Variants in TJP1 observed in about 807,000 individuals in gnomAD.
TJP1 encodes the protein tight junction protein 1.
Under a neutral mutation model 194.2 loss-of-function variants are expected in TJP1, and 43 were observed. The ratio of observed to expected loss-of-function variants is 0.22; its 90% CI spans 0.17 to 0.29. The LOEUF (loss-of-function observed/expected upper bound fraction) is 0.29. Among genes scored for constraint, TJP1 ranks in the 10% least tolerant of loss-of-function variants. The pLI, the probability that TJP1 is intolerant of heterozygous loss-of-function variation, is 1.00. For synonymous variants in TJP1, 801 were observed against 779.0 expected, an observed-to-expected ratio of 1.03 and a Z score of -0.47; for missense variants, 1,971 against 2,185.7, an observed-to-expected ratio of 0.90 and a Z score of 1.96.
intron 25 of TJP1, among the ~76,000 whole-genome samples, chr15:29,706,750 T>A (rs536868925): frequency 6.6e-6 from 1 of 152,158 alleles, no homozygotes; most frequent in East Asian, 1.9e-4. Flanking sequence ...AACCTCCACC[T>A]CCCAGGTTCA....
At chr15:29,743,212 A>G (rs1442962314) in intron 8 of TJP1, among the ~76,000 whole-genome samples, 1 of 152,210 alleles carries the variant, frequency 6.6e-6, no homozygotes, top group Admixed American at 6.5e-5. Flanking sequence ...GGAGTCTTCT[A>G]AAGTAAGACT....
At chr15:29,954,385 TTA>T (rs2055863455) in intron 2 of TJP1, among the ~76,000 whole-genome samples, 2 of 151,846 alleles carry the variant, frequency 1.3e-5, no homozygotes, top group South Asian at 4.1e-4. Context: ...AATTAATTAG[TTA>T]TATGATTATG....
At chr15:29,791,829 A>G (rs1003640266) in intron 2 of TJP1, among the ~76,000 whole-genome samples, 3 of 152,056 alleles carry the variant, frequency 2.0e-5, no homozygotes, top group African/African-American at 7.2e-5. Context: ...CTGGGATGAA[A>G]TATTTCATTA....
rs572429907 is a variant in TJP1 at position 29,900,455 on chromosome 15, A to G, written c.306+55777T>C. On this transcript the variant is annotated intron_variant, in intron 2 of 28. Transcript: ENST00000356107. Reference sequence around the variant, plus strand: ...TCACAGCAGAAGCTACTAGGAGGCTACTTCAACAGTACAGGTGAGAGATGA... The same window carrying G: ...TCACAGCAGAAGCTACTAGGAGGCTGCTTCAACAGTACAGGTGAGAGATGA... 3.3e-5 allele frequency among the ~76,000 whole-genome samples: 5 copies of G among 152,330 alleles called. No individual in the cohort carries two copies. The South Asian group carries it at 8.3e-4, about 25-fold the overall frequency.
chr15:29,859,523 G>A (rs1337084088), intron 2 of TJP1, among the ~76,000 whole-genome samples: 1 of 152,162 alleles, frequency 6.6e-6, no homozygotes, highest in East Asian at 1.9e-4. Flanking sequence ...GGTGGCCCCG[G>A]TAAGAAGGCA....
chr15:29,760,124 A>G, intron 8 of TJP1: 1 of 652,074 alleles, frequency 1.5e-6, no homozygotes, highest in East Asian at 2.8e-5. Context: ...CTGTCTCTTC[A>G]GCCCTGGACT....
At chr15:29,874,561 T>A (rs991348382) in intron 2 of TJP1, among the ~76,000 whole-genome samples, 2 of 152,196 alleles carry the variant, frequency 1.3e-5, no homozygotes, top group Middle Eastern at 3.2e-3. Flanking sequence ...CAAGTTGTTG[T>A]CTATGTTCTC....
intron 2 of TJP1, among the ~76,000 whole-genome samples, chr15:29,876,495 T>G (rs976172727): frequency 6.6e-6 from 1 of 151,342 alleles, no homozygotes; most frequent in Non-Finnish European, 1.5e-5. Context: ...CACTCCAGCC[T>G]GGGCAACAGA....
chr15:29,796,445 G>A (rs1371154700), intron 2 of TJP1, among the ~76,000 whole-genome samples: 6 of 147,496 alleles, frequency 4.1e-5, no homozygotes, highest in African/African-American at 1.5e-4. Flanking sequence ...CAAGAAACAT[G>A]AGATATTTAA....
chr15:29,793,883 T>G (rs1337720536), intron 2 of TJP1, among the ~76,000 whole-genome samples: 1 of 152,210 alleles, frequency 6.6e-6, no homozygotes, highest in Non-Finnish European at 1.5e-5. Flanking sequence ...CTTTTAAATA[T>G]GTAGTTGAAT....
chr15:29,935,320 A>G (rs1596286396), intron 2 of TJP1, among the ~76,000 whole-genome samples: 1 of 152,004 alleles, frequency 6.6e-6, no homozygotes, highest in Non-Finnish European at 1.5e-5. Flanking sequence ...CTTTGTATTC[A>G]CCTCCTCTGT....
chr15:29,902,154 T>A (rs1285853412), intron 2 of TJP1, among the ~76,000 whole-genome samples: 2 of 152,192 alleles, frequency 1.3e-5, no homozygotes, highest in African/African-American at 2.4e-5. Context: ...ATTTGAATCA[T>A]GAAGAACTTT....
chr15:29,954,407 T>C (rs1462913515), intron 2 of TJP1, among the ~76,000 whole-genome samples: 1 of 152,216 alleles, frequency 6.6e-6, no homozygotes, highest in Non-Finnish European at 1.5e-5. Context: ...GCTTCAGTAA[T>C]GACAATGTTT....
At chr15:29,725,165 T>C (rs956942939) in intron 18 of TJP1, among the ~76,000 whole-genome samples, 62 of 152,348 alleles carry the variant, frequency 4.1e-4, no homozygotes, top group African/African-American at 1.4e-3. Flanking sequence ...TGTGGTTTGT[T>C]TCCACCTTCA....
chr15:29,702,453 T>G (rs1217000187), intron 27 of TJP1, among the ~76,000 whole-genome samples: 2 of 152,212 alleles, frequency 1.3e-5, no homozygotes, highest in Non-Finnish European at 2.9e-5. Flanking sequence ...CCAAGCAAGC[T>G]GAGAGTCACA....
chr15:29,879,054 G>A (rs2052823902), intron 2 of TJP1, among the ~76,000 whole-genome samples: 1 of 152,134 alleles, frequency 6.6e-6, no homozygotes, highest in Middle Eastern at 3.2e-3. Context: ...AACCTGGGAG[G>A]CAGAGCTTGC....
In TJP1 at chr15:29,744,911, T is replaced by C. The variant is rs144578473; in HGVS notation, c.1011-2130A>G. 2.1e-3 allele frequency among the ~76,000 whole-genome samples: 320 copies of C among 152,116 alleles called. 1 individual carries two copies. The highest frequency in any genetic ancestry group is 7.3e-3 in the African/African-American group (303 of 41,526). ...AATGGAGGAAAAAATTCTAAATAAA[T>C]AAAATACTAGCTAGGAGAATACAGT... On this transcript the variant is annotated intron_variant, in intron 8 of 27. Transcript: ENST00000614355.
At chr15:29,818,087 T>TA (rs2050059421) in intron 1 of TJP1, among the ~76,000 whole-genome samples, 2 of 152,018 alleles carry the variant, frequency 1.3e-5, no homozygotes, top group South Asian at 4.2e-4. Flanking sequence ...AGTGTAACAG[T>TA]AAAAAATGAC....
chr15:29,891,011 G>T (rs556441166), intron 2 of TJP1, among the ~76,000 whole-genome samples: 47 of 152,348 alleles, frequency 3.1e-4, no homozygotes, highest in Non-Finnish European at 5.1e-4. Context: ...CAGGTACCTT[G>T]GTGCAGGGCC....
Sources: gnomAD v4.1 joint callset for allele counts (sites outside exome capture counted in the v4.1 genomes callset) on GRCh38, gnomAD v4.1.1 for gene constraint, MANE v1.5 for transcripts, NCBI Gene and HGNC (gene_info 2026-07-23, HGNC 2026-07-21) for gene names.